The following FRYL variants were observed in gnomAD, a reference collection of about 807,000 sequenced individuals.
FRYL encodes the protein protein furry homolog-like.
In FRYL, 150 loss-of-function variants were observed where a neutral mutation model predicts 351.2. The ratio of observed to expected loss-of-function variants is 0.43; its 90% CI spans 0.37 to 0.49. The LOEUF (loss-of-function observed/expected upper bound fraction) is 0.49. Among genes scored for constraint, FRYL ranks in the 20% least tolerant of loss-of-function variants. FRYL has a pLI of 0.00. For synonymous variants in FRYL, 1,153 were observed against 1,257.1 expected (o/e 0.92, Z 1.75); for missense variants, 3,036 against 3,619.3 (o/e 0.84, Z 4.13).
chr4:48,703,873 T>C (rs919281092), intron 2 of FRYL, among the ~76,000 whole-genome samples: 12 of 152,140 alleles, frequency 7.9e-5, no homozygotes, highest in Non-Finnish European at 1.5e-4. Flanking sequence ...ACTTGTTGAA[T>C]AAATAATGAA....
chr4:48,554,898 C>T (rs1352966342), intron 35 of FRYL, among the ~76,000 whole-genome samples: 25 of 152,178 alleles, frequency 1.6e-4, no homozygotes, highest in Admixed American at 1.6e-3. Flanking sequence ...ATACTGACTT[C>T]ACCATCAGAT....
chr4:48,598,742 C>A (rs2149240438), intron 13 of FRYL: 2 of 407,264 alleles, frequency 4.9e-6, no homozygotes, highest in East Asian at 1.6e-4. Flanking sequence ...ATTAGACATG[C>A]AATGCAACAA....
chr4:48,655,745 T>C lies in FRYL; in HGVS notation c.-80-21255A>G, dbSNP rs898443989. ...TATAAGTATATAAAATTATATCTAA[T>C]GTATAATTATATAATACATTATGTA... On this transcript the variant is annotated intron_variant, in intron 3 of 63. Coordinates refer to ENST00000358350, the MANE Select transcript of FRYL (RefSeq NM_015030.2). 7.5e-5 allele frequency among the ~76,000 whole-genome samples: 11 copies of C among 146,120 alleles called. No individual in the cohort carries two copies. In the East Asian group the frequency reaches 2.2e-3, roughly 29 times the overall value.
intron 3 of FRYL, among the ~76,000 whole-genome samples, chr4:48,650,398 C>G (rs1321958774): frequency 6.6e-6 from 1 of 152,144 alleles, no homozygotes; most frequent in Non-Finnish European, 1.5e-5. Context: ...CCTCCAGAAG[C>G]TTACACTCAA....
rs946591981 is a variant in FRYL at position 48,573,126 on chromosome 4, C to A, written c.2904+60G>T. On this transcript the variant is annotated intron_variant, in intron 26 of 63. Coordinates refer to ENST00000358350, the MANE Select transcript of FRYL (RefSeq NM_015030.2). The stretch of plus-strand genomic sequence containing the variant: ...TCGTAATTTCTAACTTTTGATATAA[C>A]ATGTAAATATGGCAGAAAAATGAAT... 9.4e-6 allele frequency: 12 copies of A among 1,274,952 alleles called. No individual in the cohort carries two copies. In the African/African-American group the frequency reaches 1.6e-4, roughly 17 times the overall value. The allele number at this position is 1,274,952 out of a possible 1,614,324, so 79.0% of individuals were successfully genotyped here. A position where few individuals can be genotyped will look rare whatever the true frequency, so the allele number is the denominator to read the frequency against.
intron 3 of FRYL, chr4:48,645,902 T>C (rs952087426): frequency 6.6e-6 from 1 of 152,192 alleles, no homozygotes; most frequent in African/African-American, 2.4e-5. Flanking sequence ...CTTCAAATCA[T>C]GGCAATACAA....
intron 13 of FRYL, among the ~76,000 whole-genome samples, chr4:48,599,316 T>C (rs1745232111): frequency 6.6e-6 from 1 of 152,194 alleles, no homozygotes; most frequent in Non-Finnish European, 1.5e-5. Flanking sequence ...GATATAGGAA[T>C]GGGAGAATAC....
chr4:48,663,536 A>G (rs1761182568), intron 3 of FRYL, among the ~76,000 whole-genome samples: 1 of 151,694 alleles, frequency 6.6e-6, no homozygotes, highest in South Asian at 2.1e-4. Context: ...CAAGTGATCT[A>G]AAAACTGCAA....
At position 48,517,923 on chromosome 4, in the gene FRYL, T is replaced by C. The variant is rs990819937; in HGVS notation, c.7690-2648A>G. Reference sequence around the variant, plus strand: ...TGCCTTAAAAATAATTATGGTTTTATTTCAATATCTTGGTGCTTTTCTACT... The same window carrying C: ...TGCCTTAAAAATAATTATGGTTTTACTTCAATATCTTGGTGCTTTTCTACT... On this transcript the variant is annotated intron_variant, in intron 55 of 63. Transcript: ENST00000358350. Among the ~76,000 whole-genome samples, 27 of 152,260 alleles carry C rather than the reference T, an allele frequency of 1.8e-4. 1 individual carries two copies. Among genetic ancestry groups the C allele is most frequent in the Admixed American group, 9.8e-4 (15 of 15,284 alleles).
chr4:48,690,806 A>G (rs1396896590), intron 2 of FRYL, among the ~76,000 whole-genome samples: 7 of 152,224 alleles, frequency 4.6e-5, no homozygotes, highest in Admixed American at 3.3e-4. Context: ...AAGATCAAAC[A>G]TCAGAGAAAA....
At chr4:48,563,829 A>G in intron 31 of FRYL, 119 bp downstream of exon 31, 1 of 1,066,260 alleles carries the variant, frequency 9.4e-7, no homozygotes, top group Non-Finnish European at 1.3e-6. Flanking sequence ...CCTGGAACCA[A>G]TCCCCCACAG....
intron 26 of FRYL, 80 bp from the exon 27 acceptor site, chr4:48,570,998 G>GCCA: frequency 8.8e-7 from 1 of 1,142,798 alleles, no homozygotes; most frequent in South Asian, 1.3e-5. Flanking sequence ...CTCAGAGAGA[G>GCCA]GTTCTGGGCT....
At chr4:48,755,193 G>C (rs989030249) in intron 1 of FRYL, among the ~76,000 whole-genome samples, 1 of 152,106 alleles carries the variant, frequency 6.6e-6, no homozygotes, top group Non-Finnish European at 1.5e-5. Flanking sequence ...CCTTGTAACT[G>C]TGCAGTTGGT....
chr4:48,517,644 T>G (rs1330959376), intron 55 of FRYL, among the ~76,000 whole-genome samples: 2 of 152,086 alleles, frequency 1.3e-5, no homozygotes, highest in Non-Finnish European at 2.9e-5. Flanking sequence ...CCTCTGTGAG[T>G]AAATACAAGT....
At position 48,553,245 on chromosome 4, in the gene FRYL, A is replaced by G; in HGVS notation, c.4405T>C (p.Ser1469Pro). ...MDNPPYYRIT[S>P]SYKIPSVTSG... ...GTGACAGAAGGGATTTTATAGCTGG[A>G]AGTGATGCGATAATACGGGGGATTA... Residue 1469 changes from serine to proline, a missense_variant, in exon 36 of 64, where the codon TCC (serine) becomes CCC (proline). Physicochemically the swap from Ser to Pro is moderately conservative, Grantham distance 74. This residue lies in a region of FRYL where 1,987 missense variants were observed against 2,311.7 expected (regional missense o/e 0.86). Coordinates refer to ENST00000358350, the MANE Select transcript of FRYL (RefSeq NM_015030.2). The G allele has an allele frequency of 6.2e-7, 1 of 1,613,028 alleles. No homozygotes were observed. The highest frequency in any genetic ancestry group is 8.5e-7 in the Non-Finnish European group (1 of 1,179,690).
At chr4:48,645,895 C>G (rs1756372868) in intron 3 of FRYL, 1 of 152,180 alleles carries the variant, frequency 6.6e-6, no homozygotes, top group African/African-American at 2.4e-5. Flanking sequence ...CCCTACACTT[C>G]AAATCATGGC....
At chr4:48,551,656 T>C (rs560464300) in intron 36 of FRYL, 78 bp from the exon 37 acceptor site, 43 of 877,344 alleles carry the variant, frequency 4.9e-5, no homozygotes, top group Non-Finnish European at 5.9e-5. Context: ...TCTCAAATTA[T>C]AGATATCAAA....
At chr4:48,530,580 T>C (rs1310362027) in intron 50 of FRYL, among the ~76,000 whole-genome samples, 1 of 152,120 alleles carries the variant, frequency 6.6e-6, no homozygotes, top group African/African-American at 2.4e-5. Context: ...TCTTGCCCCT[T>C]CCTATGCCTT....
intron 1 of FRYL, among the ~76,000 whole-genome samples, chr4:48,772,001 T>G (rs1775563381): frequency 6.6e-6 from 1 of 152,242 alleles, no homozygotes; most frequent in Admixed American, 6.5e-5. Flanking sequence ...TGATTCTCTG[T>G]ACATTGCTGG....
Sources: gnomAD v4.1 joint callset for allele counts (sites outside exome capture counted in the v4.1 genomes callset) on GRCh38, gnomAD v4.1.1 for gene constraint, gnomAD v4.1.1 regional missense constraint, MANE v1.5 for transcripts, NCBI Gene and HGNC (gene_info 2026-07-23, HGNC 2026-07-21) for gene names.